The following PRRC2C variants were observed in gnomAD, a reference collection of about 807,000 sequenced individuals.
PRRC2C encodes protein PRRC2C.
Under a neutral mutation model 317.2 loss-of-function variants are expected in PRRC2C, and 72 were observed. That is an observed-to-expected ratio of 0.23 (90% CI 0.19 to 0.28). PRRC2C has a LOEUF of 0.28. Ranked by LOEUF, PRRC2C falls within the 10% of genes least tolerant of loss-of-function variation. The pLI, the probability that PRRC2C is intolerant of heterozygous loss-of-function variation, is 1.00. For synonymous variants in PRRC2C, 1,296 were observed against 1,205.9 expected, an observed-to-expected ratio of 1.07 and a Z score of -1.55; for missense variants, 3,074 against 3,459.7, an observed-to-expected ratio of 0.89 and a Z score of 2.80.
intron 30 of PRRC2C, among the ~76,000 whole-genome samples, chr1:171,586,543 G>GTATTTTATTTTATTT (rs560341256): frequency 0.03 from 4,025 of 132,238 alleles, 109 homozygotes; most frequent in Admixed American, 0.037. Flanking sequence ...TGTGTTCTAT[G>GTATTTTATTTTATTT]TATTTTATTT....
intron 10 of PRRC2C, among the ~76,000 whole-genome samples, chr1:171,526,147 A>G (rs936860544): frequency 6.6e-6 from 1 of 152,182 alleles, no homozygotes; most frequent in African/African-American, 2.4e-5. Flanking sequence ...GTGACAGTTT[A>G]TATTAGCAAG....
intron 11 of PRRC2C, among the ~76,000 whole-genome samples, chr1:171,528,172 T>C (rs572123143): frequency 1.3e-5 from 2 of 152,284 alleles, no homozygotes; most frequent in Middle Eastern, 3.4e-3. Flanking sequence ...ATGATAATGT[T>C]ATCTCATATT....
rs905269514 is a variant in PRRC2C, at chr1:171,493,080, TAAAAG to T, written c.-58+7348_-58+7352del. Among the ~76,000 whole-genome samples the T allele has an allele frequency of 2.7e-4, 7 of 26,400 alleles. No homozygotes were observed. The East Asian group carries it at 0.01, about 40-fold the overall frequency. 17.3% of individuals were successfully genotyped at this position (26,400 alleles called of 152,430 possible). On this transcript the variant is annotated intron_variant, in intron 1 of 34. Coordinates refer to ENST00000647382, the MANE Select transcript of PRRC2C (RefSeq NM_001387844.1). ...ATTTAAATAAAATAAAATAAAATAA[TAAAAG>T]AAGAGAAGGAAGGAAATAGGTTTAC...
chr1:171,547,148 T>C (rs1411545801), intron 17 of PRRC2C, among the ~76,000 whole-genome samples: 1 of 152,118 alleles, frequency 6.6e-6, no homozygotes, highest in Non-Finnish European at 1.5e-5. Context: ...ATAAAAACTA[T>C]ATATATTTCT....
intron 10 of PRRC2C, among the ~76,000 whole-genome samples, chr1:171,525,900 T>C (rs1373134080): frequency 6.6e-6 from 1 of 152,216 alleles, no homozygotes; most frequent in Non-Finnish European, 1.5e-5. Context: ...AAGAGAGCTA[T>C]GTAAGAACCA....
At chr1:171,544,832 G>A (rs1419150255) in intron 16 of PRRC2C, among the ~76,000 whole-genome samples, 18 of 152,120 alleles carry the variant, frequency 1.2e-4, no homozygotes, top group Admixed American at 1.2e-3. Flanking sequence ...TTTATCTTGA[G>A]TAATACTATA....
chr1:171,580,344 G>C (rs577469430), intron 28 of PRRC2C, among the ~76,000 whole-genome samples: 1 of 152,326 alleles, frequency 6.6e-6, no homozygotes, highest in South Asian at 2.1e-4. Context: ...ATGTTAGGGG[G>C]TGCAGGGCAG....
Position 171,542,103 on chromosome 1 carries a change from C to T in PRRC2C, c.4637C>T (p.Ser1546Phe), listed in dbSNP as rs925406195. 6.2e-7 allele frequency: 1 copy of T among 1,613,842 alleles called. No individual in the cohort carries two copies. The highest frequency in any genetic ancestry group is 8.5e-7 in the Non-Finnish European group (1 of 1,179,842). ...PKREIAKRSFSSQRPVDRQNR... is the reference protein window; with the variant it reads ...PKREIAKRSFFSQRPVDRQNR... Reference sequence around the variant, plus strand: ...AGGGAAATTGCAAAGAGAAGTTTTTCTAGTCAGAGACCAGTAGATCGTCAG... The same window carrying T: ...AGGGAAATTGCAAAGAGAAGTTTTTTTAGTCAGAGACCAGTAGATCGTCAG... The change falls in exon 16 of 35, where the codon TCT (serine) becomes TTT (phenylalanine). Residue 1546 changes from serine (S) to phenylalanine (F), a missense_variant. Ser to Phe is a radical substitution (Grantham distance 155). Transcript: ENST00000647382.
chr1:171,545,595 C>T lies in PRRC2C; in HGVS notation c.4880C>T (p.Thr1627Ile). 1 of 1,611,502 alleles carries T rather than the reference C, an allele frequency of 6.2e-7. No homozygotes were observed. Among genetic ancestry groups the T allele is most frequent in the Non-Finnish European group, 8.5e-7 (1 of 1,178,806 alleles). The change falls in exon 17 of 35, where the codon ACT (threonine) becomes ATT (isoleucine). Residue 1627 changes from threonine (T) to isoleucine (I), a missense_variant. Coordinates refer to ENST00000647382, the MANE Select transcript of PRRC2C (RefSeq NM_001387844.1). ...GGACAAAAGAACTCCAAAGATTCTA[C>T]TGGGAAAAAAAGAGAAGACCCCAAA... Reference protein sequence around the residue: ...GTGQKNSKDSTGKKREDPKPG... With the variant: ...GTGQKNSKDSIGKKREDPKPG...
rs905466710 is a variant in PRRC2C, at chr1:171,592,890, A to G, written c.*1043A>G. The G allele has an allele frequency of 5.9e-5, 9 of 152,112 alleles. No homozygotes were observed. Among genetic ancestry groups the G allele is most frequent in the Admixed American group, 5.2e-4 (8 of 15,272 alleles). 9.4% of individuals were successfully genotyped at this position (152,112 alleles called of 1,614,324 possible). On this transcript the variant is annotated 3_prime_UTR_variant, in exon 35 of 35. Coordinates refer to ENST00000647382, the MANE Select transcript of PRRC2C (RefSeq NM_001387844.1). The stretch of plus-strand genomic sequence containing the variant: ...TCTCAAATAATGCCTTTTTAATTGT[A>G]TCCTCTAGTATTATAGATATAGGAC...
intron 16 of PRRC2C, among the ~76,000 whole-genome samples, chr1:171,544,195 T>G (rs1244870032): frequency 6.6e-6 from 1 of 152,070 alleles, no homozygotes; most frequent in Non-Finnish European, 1.5e-5. Flanking sequence ...CAATCTCTGC[T>G]CACTGCAACC....
chr1:171,551,412 G>T (rs1247411331), intron 18 of PRRC2C, among the ~76,000 whole-genome samples: 2 of 152,160 alleles, frequency 1.3e-5, no homozygotes, highest in Non-Finnish European at 1.5e-5. Context: ...TCTGTAGGTT[G>T]CCTGTTCACT....
Position 171,540,743 on chromosome 1 carries a change from G to A in PRRC2C, c.3277G>A (p.Glu1093Lys). The change falls in exon 16 of 35, where the codon GAA (glutamate) becomes AAA (lysine). Residue 1093 changes from glutamate (E) to lysine (K), a missense_variant. Glu to Lys is a moderately conservative substitution (Grantham distance 56). This residue lies in a region of PRRC2C where 1,320 missense variants were observed against 1,395.7 expected (regional missense o/e 0.95). Coordinates refer to ENST00000647382, the MANE Select transcript of PRRC2C (RefSeq NM_001387844.1). ...QPEAEKFPSTETATLAQKPSQ... is the reference protein window; with the variant it reads ...QPEAEKFPSTKTATLAQKPSQ... ...AGAAGCAGAGAAATTTCCTTCAACAGAAACTGCAACTTTGGCTCAAAAACC... is the reference window on the plus strand; with the variant it reads ...AGAAGCAGAGAAATTTCCTTCAACAAAAACTGCAACTTTGGCTCAAAAACC... 1 of 1,613,956 alleles carries A rather than the reference G, an allele frequency of 6.2e-7. No homozygotes were observed. The highest frequency in any genetic ancestry group is 8.5e-7 in the Non-Finnish European group (1 of 1,179,880).
Position 171,514,661 on chromosome 1 carries a change from T to C in PRRC2C, c.400+16T>C, listed in dbSNP as rs1168546509. On this transcript the variant is annotated intron_variant, in intron 4 of 34. Coordinates refer to ENST00000647382, the MANE Select transcript of PRRC2C (RefSeq NM_001387844.1). ...CAAGGAGATGGTAAGTGGACATTAG[T>C]TGGGGAAGCTGCCTAGGCTTGATAG... 7.8e-6 allele frequency: 12 copies of C among 1,546,216 alleles called. No homozygotes were observed. The highest frequency in any genetic ancestry group is 1.4e-5 in the African/African-American group (1 of 72,832).
chr1:171,536,134 A>G lies in PRRC2C; in HGVS notation c.2149A>G (p.Arg717Gly). ...TAGTACTGTCCCTCCTCCACCACAC[A>G]GACCTCTTTATCAGCCTATGCAGCC... ...SSSTVPPPPH[R>G]PLYQPMQPHP... The change falls in exon 14 of 35, where the codon AGA becomes GGA. Residue 717 changes from arginine to glycine, a missense_variant. This residue lies in a region of PRRC2C where 1,320 missense variants were observed against 1,395.7 expected (regional missense o/e 0.95). Coordinates refer to ENST00000647382, the MANE Select transcript of PRRC2C (RefSeq NM_001387844.1). The G allele has an allele frequency of 6.3e-7, 1 of 1,590,464 alleles. No individual in the cohort carries two copies. The highest frequency in any genetic ancestry group is 8.6e-7 in the Non-Finnish European group (1 of 1,167,348).
At position 171,566,858 on chromosome 1, in the gene PRRC2C, G is replaced by A. The variant is rs116597931; in HGVS notation, c.6558+15G>A. 6.2e-4 allele frequency: 989 copies of A among 1,593,080 alleles called. 4 individuals carry two copies. In the African/African-American group the frequency reaches 8.4e-3, roughly 14 times the overall value. The stretch of plus-strand genomic sequence containing the variant: ...CTAATGCAAAGGTAAGCCACATGTA[G>A]GGATTACCAGTTCAACAGATGCAAG... On this transcript the variant is annotated intron_variant, in intron 22 of 34. Transcript: ENST00000647382.
chr1:171,542,658 A>G (rs539053854), intron 16 of PRRC2C, among the ~76,000 whole-genome samples: 77 of 152,310 alleles, frequency 5.1e-4, no homozygotes, highest in Admixed American at 2.6e-3. Flanking sequence ...AGGCCCAGAA[A>G]ACAAATCCCT....
rs1170944488 is a variant in PRRC2C at position 171,571,361 on chromosome 1, T to C, written c.6693T>C (p.Thr2231=). ...PNTLPLPKRE[T]IQQSSSLTSV... Reference sequence around the variant, plus strand: ...CCCTTCCCCTCCCTAAGAGGGAGACTATACAACAGAGCTCCAGCCTAACTT... The same window carrying C: ...CCCTTCCCCTCCCTAAGAGGGAGACCATACAACAGAGCTCCAGCCTAACTT... The change falls in exon 24 of 35, where the codon ACT becomes ACC. Residue 2231 remains threonine, a synonymous_variant. Transcript: ENST00000647382. The C allele has an allele frequency of 1.2e-6, 2 of 1,612,884 alleles. No individual in the cohort carries two copies. Among genetic ancestry groups the C allele is most frequent in the Non-Finnish European group, 1.7e-6 (2 of 1,179,020 alleles).
At position 171,557,806 on chromosome 1, in the gene PRRC2C, A is replaced by C. The variant is rs1407182621; in HGVS notation, c.5694A>C (p.Ser1898=). Residue 1898 remains serine, a synonymous_variant, in exon 19 of 35, where the codon TCA becomes TCC. Transcript: ENST00000647382. The part of the protein sequence containing the change: ...PVITAPTIPA[S]APTASVPLAP... ...TCACAGCACCAACTATCCCAGCCTC[A>C]GCCCCAACTGCCTCAGTCCCACTTG... is the stretch of plus-strand genomic sequence containing the variant. 6.5e-7 allele frequency: 1 copy of C among 1,550,072 alleles called. No homozygotes were observed. Among genetic ancestry groups the C allele is most frequent in the Admixed American group, 2.0e-5 (1 of 50,906 alleles).
Sources: allele counts gnomAD v4.1 joint callset (sites outside exome capture counted in the v4.1 genomes callset), GRCh38; gene constraint gnomAD v4.1.1; regional missense constraint gnomAD v4.1.1; transcripts MANE v1.5; gene names NCBI Gene and HGNC (gene_info 2026-07-23, HGNC 2026-07-21).